Variants in SNPH observed in about 807,000 individuals in gnomAD.
SNPH encodes the protein syntaphilin.
A neutral mutation model predicts 36.8 loss-of-function variants in SNPH; 10 were observed. The observed-to-expected ratio is 0.27, with a 90% CI of 0.17 to 0.46. SNPH has a LOEUF of 0.46. Ranked by LOEUF, SNPH falls within the 20% of genes least tolerant of loss-of-function variation. The pLI, the probability that SNPH is intolerant of heterozygous loss-of-function variation, is 1.00. For synonymous variants in SNPH, 281 were observed against 312.2 expected (o/e 0.90, Z 1.05); for missense variants, 622 against 744.0 (o/e 0.84, Z 1.91).
intron 2 of SNPH, among the ~76,000 whole-genome samples, chr20:1,267,436 C>A (rs1265849352): frequency 1.2e-4 from 18 of 152,150 alleles, no homozygotes; most frequent in Admixed American, 1.2e-3. Context: ...GCCTTCTCTG[C>A]CCATCTGGTG....
intron 6 of SNPH, 25 bp downstream of exon 6, chr20:1,300,736 C>G (rs1412343174): frequency 1.3e-6 from 2 of 1,594,040 alleles, no homozygotes; most frequent in Non-Finnish European, 1.7e-6. Flanking sequence ...ACGAGCAGCC[C>G]TGGGGGTACC....
chr20:1,291,078 T>C (rs745314683), intron 2 of SNPH, among the ~76,000 whole-genome samples: 4 of 152,258 alleles, frequency 2.6e-5, no homozygotes, highest in African/African-American at 4.8e-5. Context: ...AGGCAAGTCC[T>C]CTTGGGTGGT....
At chr20:1,274,152 G>A (rs1253935977) in intron 2 of SNPH, among the ~76,000 whole-genome samples, 1 of 152,132 alleles carries the variant, frequency 6.6e-6, no homozygotes, top group South Asian at 2.1e-4. Flanking sequence ...CAAGTGGTGG[G>A]GTGGGGACTC....
In SNPH at chr20:1,304,358, C is replaced by T. The variant is rs115427651; in HGVS notation, c.441-520C>T. Among the ~76,000 whole-genome samples, 756 of 152,282 alleles carry T rather than the reference C, an allele frequency of 5.0e-3. 9 individuals are homozygous for T. The highest frequency in any genetic ancestry group is 0.017 in the African/African-American group (711 of 41,542). ...CATTGAAAGCTGTCATTTCTCTCCC[C>T]TGGGGTCTCTGGCCAAATATTCCTC... On this transcript the variant is annotated intron_variant, in intron 6 of 6. Transcript: ENST00000381867. This position sits in a 1 kb window ranked among gnomAD's most constrained non-coding sequence, Gnocchi z 4.3.
intron 2 of SNPH, among the ~76,000 whole-genome samples, chr20:1,269,468 C>T (rs999530925): frequency 6.6e-6 from 1 of 152,136 alleles, no homozygotes; most frequent in Non-Finnish European, 1.5e-5. Flanking sequence ...GAACTGCTAT[C>T]CGACACCAGG....
At chr20:1,300,040 CCTTGT>C in intron 5 of SNPH, among the ~76,000 whole-genome samples, 1 of 152,172 alleles carries the variant, frequency 6.6e-6, no homozygotes, top group Admixed American at 6.5e-5. Context: ...GGGGGTGAGT[CCTTGT>C]CTGCCATGCA....
At chr20:1,282,324 G>C (rs1177039952) in intron 2 of SNPH, among the ~76,000 whole-genome samples, 2 of 152,210 alleles carry the variant, frequency 1.3e-5, no homozygotes, top group Admixed American at 6.5e-5. Context: ...GTTCAACAGA[G>C]AGGGAGGCTA....
chr20:1,305,261 A>T lies in SNPH; in HGVS notation c.824A>T (p.Asp275Val), dbSNP rs1676962698. Residue 275 changes from aspartate (D) to valine (V), a missense_variant, in exon 7 of 7, where the codon GAT (aspartate) becomes GTT (valine). Physicochemically the swap from Asp to Val is radical, Grantham distance 152. Around this residue, in one of 3 missense-constraint regions of SNPH, gnomAD observed 379 missense variants for 427.9 expected, o/e 0.89. Transcript: ENST00000381867. ...PAVCGDRQPG[D>V]PSSGSAEDGA... ...GTCTGTGGTGACCGCCAGCCGGGTG[A>T]TCCCTCCAGCGGCTCTGCTGAGGAT... 1.2e-6 allele frequency: 2 copies of T among 1,610,932 alleles called. No homozygotes were observed. The highest frequency in any genetic ancestry group is 2.2e-5 in the South Asian group (2 of 91,046).
chr20:1,303,421 C>T (rs945999527), intron 6 of SNPH, among the ~76,000 whole-genome samples: 2 of 152,214 alleles, frequency 1.3e-5, no homozygotes, highest in African/African-American at 2.4e-5. Context: ...TTCCTTCTTT[C>T]AAACTCACTC....
intron 2 of SNPH, among the ~76,000 whole-genome samples, chr20:1,277,715 T>A (rs2088156200): frequency 6.7e-6 from 1 of 149,784 alleles, no homozygotes; most frequent in African/African-American, 2.5e-5. Flanking sequence ...TGTGCCTGTG[T>A]GTCTGTGTGT....
At chr20:1,277,884 G>A (rs904876872) in intron 2 of SNPH, among the ~76,000 whole-genome samples, 51 of 115,162 alleles carry the variant, frequency 4.4e-4, no homozygotes, top group Admixed American at 8.9e-4. Context: ...TGTCTGTGCC[G>A]ATGTGTCTGT....
chr20:1,275,945 C>T (rs2088126639), intron 2 of SNPH, among the ~76,000 whole-genome samples: 1 of 152,224 alleles, frequency 6.6e-6, no homozygotes, highest in African/African-American at 2.4e-5. Context: ...GCTATCTCCT[C>T]ATGTTCAGAT....
At position 1,280,853 on chromosome 20, in the gene SNPH, G is replaced by A. The variant is rs570269662; in HGVS notation, c.-493+14093G>A. Among the ~76,000 whole-genome samples, 4 of 152,268 alleles carry A rather than the reference G, an allele frequency of 2.6e-5. No homozygotes were observed. The South Asian group carries it at 8.3e-4, about 32-fold the overall frequency. On this transcript the variant is annotated intron_variant, in intron 2 of 6. Transcript: ENST00000381867. ...GATTTCGAATCCAGCTCTGTTCCTAGCACCTGGGAAGACTCCAAGCCTCTG... is the reference window on the plus strand; with the variant it reads ...GATTTCGAATCCAGCTCTGTTCCTAACACCTGGGAAGACTCCAAGCCTCTG...
intron 6 of SNPH, among the ~76,000 whole-genome samples, chr20:1,303,116 C>T (rs2088523857): frequency 6.6e-6 from 1 of 152,250 alleles, no homozygotes; most frequent in Admixed American, 6.5e-5. Flanking sequence ...GAAATACTGT[C>T]ACTCTCCCCA....
At chr20:1,299,762 ATGTG>A (rs2088482418) in intron 5 of SNPH, among the ~76,000 whole-genome samples, 1 of 152,152 alleles carries the variant, frequency 6.6e-6, no homozygotes, top group Admixed American at 6.5e-5. Flanking sequence ...GTGCCCTAGT[ATGTG>A]TGAGTACCTG....
intron 2 of SNPH, among the ~76,000 whole-genome samples, chr20:1,268,900 A>G (rs959882700): frequency 1.3e-5 from 2 of 152,218 alleles, no homozygotes; most frequent in African/African-American, 2.4e-5. Flanking sequence ...GGTGATTAAC[A>G]GATGCTTCGC....
At chr20:1,275,867 T>C (rs577526273) in intron 2 of SNPH, among the ~76,000 whole-genome samples, 1 of 152,306 alleles carries the variant, frequency 6.6e-6, no homozygotes, top group South Asian at 2.1e-4. Context: ...TCCCTGCCAT[T>C]CCTTTCTACC....
At chr20:1,269,816 G>GT in intron 2 of SNPH, among the ~76,000 whole-genome samples, 1 of 152,164 alleles carries the variant, frequency 6.6e-6, no homozygotes, top group Non-Finnish European at 1.5e-5. Context: ...GTTGTGCTCT[G>GT]TTTTACACAG....
intron 2 of SNPH, among the ~76,000 whole-genome samples, chr20:1,277,439 C>CTG (rs1225534220): frequency 5.4e-5 from 8 of 148,284 alleles, no homozygotes; most frequent in African/African-American, 1.7e-4. Context: ...GTATGTGTGC[C>CTG]TGTGTGTGTG....
Sources: gnomAD v4.1 joint callset for allele counts (sites outside exome capture counted in the v4.1 genomes callset) on GRCh38, gnomAD v4.1.1 for gene constraint, gnomAD v4.1.1 regional missense constraint, Gnocchi (gnomAD v3.1) non-coding constraint, MANE v1.5 for transcripts, NCBI Gene and HGNC (gene_info 2026-07-23, HGNC 2026-07-21) for gene names.